Variants in SYNRG observed in about 807,000 individuals in gnomAD.
The protein encoded by SYNRG is synergin gamma, also known as AP1 gamma subunit binding protein 1.
Under a neutral mutation model 130.9 loss-of-function variants are expected in SYNRG, and 37 were observed. That is an observed-to-expected ratio of 0.28 (90% CI 0.22 to 0.37). The LOEUF (loss-of-function observed/expected upper bound fraction) is 0.37, where lower values mean the gene tolerates loss of function less well. SYNRG is among the 10% of genes least tolerant of loss of function. The pLI is 1.00. For missense variants in SYNRG, 1,338 were observed against 1,588.9 expected, an observed-to-expected ratio of 0.84 and a Z score of 2.68; for synonymous variants, 539 against 568.1, an observed-to-expected ratio of 0.95 and a Z score of 0.73.
chr17:37,579,727 C>T (rs958933741), intron 6 of SYNRG, among the ~76,000 whole-genome samples: 2 of 152,142 alleles, frequency 1.3e-5, no homozygotes, highest in African/African-American at 4.8e-5. Context: ...ATTTTAGAGA[C>T]AGGATCTTGC....
intron 6 of SYNRG, among the ~76,000 whole-genome samples, chr17:37,582,827 C>A (rs989654994): frequency 1.3e-5 from 2 of 151,844 alleles, no homozygotes; most frequent in Non-Finnish European, 2.9e-5. Flanking sequence ...TGTCACCGCA[C>A]TAGGGCAATA....
At chr17:37,591,011 A>T (rs1370831970) in intron 3 of SYNRG, among the ~76,000 whole-genome samples, 3 of 152,244 alleles carry the variant, frequency 2.0e-5, no homozygotes, top group Admixed American at 6.5e-5. Context: ...CTTTAAAAAA[A>T]TGTAAAACAA....
chr17:37,568,501 G>A (rs538622261), intron 11 of SYNRG: 4 of 249,714 alleles, frequency 1.6e-5, no homozygotes, highest in Admixed American at 5.0e-5. Context: ...ATAGGAACAC[G>A]AAGTCATCAC....
rs1050788888 is a variant in SYNRG, at chr17:37,517,338, C to T, written c.*1602G>A. 6.6e-6 allele frequency: 1 copy of T among 152,150 alleles called. No homozygotes were observed. The highest frequency in any genetic ancestry group is 1.5e-5 in the Non-Finnish European group (1 of 68,090). The allele number at this position is 152,150 out of a possible 1,614,324, so 9.4% of individuals were successfully genotyped here. On this transcript the variant is annotated 3_prime_UTR_variant, in exon 22 of 22. Coordinates refer to ENST00000612223, the MANE Select transcript of SYNRG (RefSeq NM_007247.6). Reference sequence around the variant, plus strand: ...AGGAAAAGCCTGCCAAAAGCTGTCCCACTTGTGTTGTTAGAAACACCCCAC... The same window carrying T: ...AGGAAAAGCCTGCCAAAAGCTGTCCTACTTGTGTTGTTAGAAACACCCCAC...
Position 37,596,257 on chromosome 17 carries a change from C to G in SYNRG, c.206G>C (p.Ser69Thr), listed in dbSNP as rs2062763511. 6.2e-7 allele frequency: 1 copy of G among 1,614,048 alleles called. No individual in the cohort carries two copies. The highest frequency in any genetic ancestry group is 1.3e-5 in the African/African-American group (1 of 74,924). Residue 69 changes from serine to threonine, a missense_variant, in exon 3 of 22, where the codon AGC becomes ACC. Physicochemically the swap from Ser to Thr is moderately conservative, Grantham distance 58 (BLOSUM62 1). Coordinates refer to ENST00000612223, the MANE Select transcript of SYNRG (RefSeq NM_007247.6). The part of the protein sequence containing the change: ...NMQGIMGMNY[S>T]SQMSQGPIAM... ...AATAGGTCCTTGGGACATCTGAGAG[C>G]TGTAATTCATTCCCATAATGCCTTG...
At chr17:37,562,110 A>T (rs1378375698) in intron 11 of SYNRG, among the ~76,000 whole-genome samples, 1 of 152,216 alleles carries the variant, frequency 6.6e-6, no homozygotes, top group Non-Finnish European at 1.5e-5. Flanking sequence ...TCAAGCCAAA[A>T]TGTAAATTGT....
chr17:37,534,603 C>T (rs1179060763), intron 19 of SYNRG, among the ~76,000 whole-genome samples: 1 of 151,966 alleles, frequency 6.6e-6, no homozygotes. Flanking sequence ...AATATTAATA[C>T]TCCATTTCTT....
At chr17:37,559,819 T>C (rs2059395001) in intron 13 of SYNRG, among the ~76,000 whole-genome samples, 1 of 152,214 alleles carries the variant, frequency 6.6e-6, no homozygotes, top group Admixed American at 6.5e-5. Context: ...ACCATGGCTC[T>C]CATTTGACAA....
intron 13 of SYNRG, among the ~76,000 whole-genome samples, chr17:37,555,274 C>A (rs1256821316): frequency 6.6e-6 from 1 of 152,064 alleles, no homozygotes; most frequent in Non-Finnish European, 1.5e-5. Flanking sequence ...TTACAGGCAC[C>A]TGCCACCACG....
At chr17:37,550,937 G>A (rs142187551) in intron 14 of SYNRG, among the ~76,000 whole-genome samples, 9 of 152,276 alleles carry the variant, frequency 5.9e-5, no homozygotes, top group African/African-American at 2.2e-4. Flanking sequence ...GAAATTATAT[G>A]CAGCAAGGCC....
chr17:37,568,528 G>A, intron 11 of SYNRG: 1 of 334,858 alleles, frequency 3.0e-6, no homozygotes, highest in South Asian at 6.8e-5. Flanking sequence ...GGTGATCTTA[G>A]CTATAATAAA....
intron 14 of SYNRG, among the ~76,000 whole-genome samples, chr17:37,551,017 A>G (rs1468823310): frequency 6.6e-6 from 1 of 152,228 alleles, no homozygotes; most frequent in African/African-American, 2.4e-5. Context: ...CCTTCCATAC[A>G]AATGATTATA....
At chr17:37,538,670 A>C (rs894746482) in intron 17 of SYNRG, among the ~76,000 whole-genome samples, 3 of 152,196 alleles carry the variant, frequency 2.0e-5, no homozygotes, top group Non-Finnish European at 2.9e-5. Flanking sequence ...ATCTCGGCTC[A>C]CTGAACCCCT....
intron 1 of SYNRG, among the ~76,000 whole-genome samples, chr17:37,606,549 T>C (rs1299788379): frequency 6.6e-6 from 1 of 152,236 alleles, no homozygotes; most frequent in African/African-American, 2.4e-5. Flanking sequence ...GATGTCTTTT[T>C]AATTCATTAC....
At chr17:37,563,874 T>C (rs1320310293) in intron 11 of SYNRG, among the ~76,000 whole-genome samples, 1 of 151,690 alleles carries the variant, frequency 6.6e-6, no homozygotes, top group African/African-American at 2.4e-5. Context: ...AGACAAATTC[T>C]TACTCTGTCT....
At chr17:37,597,477 A>G (rs191915602) in intron 2 of SYNRG, among the ~76,000 whole-genome samples, 8 of 152,364 alleles carry the variant, frequency 5.3e-5, no homozygotes, top group East Asian at 1.9e-4. Flanking sequence ...GACACATACT[A>G]TTTTGGAACC....
At chr17:37,530,306 T>C (rs2056488293) in intron 19 of SYNRG, among the ~76,000 whole-genome samples, 1 of 152,196 alleles carries the variant, frequency 6.6e-6, no homozygotes, top group South Asian at 2.1e-4. Context: ...TATCTACTCC[T>C]ATGATGATAT....
intron 14 of SYNRG, among the ~76,000 whole-genome samples, chr17:37,547,301 A>G (rs1385781429): frequency 1.3e-5 from 2 of 152,254 alleles, no homozygotes; most frequent in African/African-American, 4.8e-5. Context: ...CAGGATACAC[A>G]GTGGGACTGC....
intron 13 of SYNRG, among the ~76,000 whole-genome samples, chr17:37,555,979 C>T (rs1047618568): frequency 2.6e-5 from 4 of 152,034 alleles, no homozygotes; most frequent in Admixed American, 6.6e-5. Context: ...AAAATGACTG[C>T]CATTTCTGGA....
Sources: allele counts gnomAD v4.1 joint callset (sites outside exome capture counted in the v4.1 genomes callset), GRCh38; gene constraint gnomAD v4.1.1; transcripts MANE v1.5; gene names NCBI Gene and HGNC (gene_info 2026-07-23, HGNC 2026-07-21).